The following IP6K3 variants were observed in gnomAD, a reference collection of about 807,000 sequenced individuals.
The protein encoded by IP6K3 is inositol hexakisphosphate kinase 3.
A neutral mutation model predicts 28.8 loss-of-function variants in IP6K3; 20 were observed. The ratio of observed to expected loss-of-function variants is 0.70; its 90% CI spans 0.49 to 1.01. IP6K3 has a LOEUF of 1.01. Among genes scored for constraint, IP6K3 ranks in the 50% least tolerant of loss-of-function variants. IP6K3 has a pLI of 0.00. For missense variants in IP6K3, 480 were observed against 537.1 expected (o/e 0.89, Z 1.05); for synonymous variants, 213 against 221.3 (o/e 0.96, Z 0.33).
the IP6K3 span, among the ~76,000 whole-genome samples, chr6:33,754,320 C>T: frequency 2.0e-5 from 3 of 151,988 alleles, no homozygotes; most frequent in East Asian, 1.9e-4. Flanking sequence ...GGCGGCATCT[C>T]TCTGCTGGAA....
chr6:33,746,260 G>C lies in IP6K3; in HGVS notation c.-180+498C>G, dbSNP rs1582232681. ...GTAGATGCTGATGTCATCCAGCCTG[G>C]TGCCGGCCTCCTGCCCCCTCCCGTG... is the stretch of plus-strand genomic sequence containing the variant. On this transcript the variant is annotated intron_variant, in intron 1 of 5. Transcript: ENST00000293756. This position sits in a 1 kb window ranked among gnomAD's most constrained non-coding sequence, Gnocchi z 6.5. Among the ~76,000 whole-genome samples, 1 of 152,274 alleles carries C rather than the reference G, an allele frequency of 6.6e-6. No individual in the cohort carries two copies. Among genetic ancestry groups the C allele is most frequent in the East Asian group, 1.9e-4 (1 of 5,170 alleles).
chr6:33,746,467 G>A lies in IP6K3; in HGVS notation c.-180+291C>T, dbSNP rs1379695903. 6.6e-6 allele frequency: 1 copy of A among 152,462 alleles called. No homozygotes were observed. The highest frequency in any genetic ancestry group is 6.5e-5 in the Admixed American group (1 of 15,284). 9.4% of individuals were successfully genotyped at this position (152,462 alleles called of 1,614,324 possible). ...GAGGGCTCCAGGCACCCCTGGAAGG[G>A]GAGGGGTGGAATTCCCCTGGGAGAA... is the stretch of plus-strand genomic sequence containing the variant. On this transcript the variant is annotated intron_variant, in intron 1 of 5. Coordinates refer to ENST00000293756, the MANE Select transcript of IP6K3 (RefSeq NM_054111.5). The surrounding 1 kb of genome is among the most constrained non-coding windows in gnomAD (Gnocchi z 6.5).
rs1766772218 is a variant in IP6K3 at position 33,742,753 on chromosome 6, TATTGC to T, written c.-180+4000_-180+4004del. Among the ~76,000 whole-genome samples, 1 of 152,088 alleles carries T rather than the reference TATTGC, an allele frequency of 6.6e-6. No individual in the cohort carries two copies. Among genetic ancestry groups the T allele is most frequent in the African/African-American group, 2.4e-5 (1 of 41,400 alleles). On this transcript the variant is annotated intron_variant, in intron 1 of 5. Coordinates refer to ENST00000293756, the MANE Select transcript of IP6K3 (RefSeq NM_054111.5). This position sits in a 1 kb window ranked among gnomAD's most constrained non-coding sequence, Gnocchi z 4.5. ...CAACAGATCCTAAAAGTATAATGAG[TATTGC>T]ATAGGGACTGGTAGGGAAAAAACTG...
Position 33,742,114 on chromosome 6 carries a change from C to A in IP6K3, c.-180+4644G>T, listed in dbSNP as rs1766747393. ...TACAATCACACCTCTGTGTCTCCAGCTAGGAATTTTCAGATGGAGACACTG... is the reference window on the plus strand; with the variant it reads ...TACAATCACACCTCTGTGTCTCCAGATAGGAATTTTCAGATGGAGACACTG... On this transcript the variant is annotated intron_variant, in intron 1 of 5. Coordinates refer to ENST00000293756, the MANE Select transcript of IP6K3 (RefSeq NM_054111.5). This position sits in a 1 kb window ranked among gnomAD's most constrained non-coding sequence, Gnocchi z 4.5. Among the ~76,000 whole-genome samples the A allele has an allele frequency of 6.6e-6, 1 of 152,198 alleles. No homozygotes were observed. Among genetic ancestry groups the A allele is most frequent in the South Asian group, 2.1e-4 (1 of 4,832 alleles).
Position 33,722,785 on chromosome 6 carries a change from G to A in IP6K3, c.1168C>T (p.Pro390Ser), listed in dbSNP as rs1427014788. 6.2e-7 allele frequency: 1 copy of A among 1,614,040 alleles called. No homozygotes were observed. Among genetic ancestry groups the A allele is most frequent in the Admixed American group, 1.7e-5 (1 of 60,006 alleles). ...TTTTCCAGGCCAAAAATATAGCCAG[G>A]GTCTGGTCCATCGTAGGTGGTGTGC... The part of the protein sequence containing the change: ...NEHTTYDGPD[P>S]GYIFGLENLI... The change falls in exon 6 of 6, where the codon CCT becomes TCT. Residue 390 changes from proline (P) to serine (S), a missense_variant. Physicochemically the swap from Pro to Ser is moderately conservative, Grantham distance 74 (BLOSUM62 -1). Coordinates refer to ENST00000293756, the MANE Select transcript of IP6K3 (RefSeq NM_054111.5).
the IP6K3 span, among the ~76,000 whole-genome samples, chr6:33,760,831 C>A: frequency 6.6e-6 from 1 of 152,000 alleles, no homozygotes; most frequent in African/African-American, 2.4e-5. Context: ...TGGGCCCCTG[C>A]AGATGTTTTT....
At chr6:33,753,291 C>T in the IP6K3 span, among the ~76,000 whole-genome samples, 3 of 152,162 alleles carry the variant, frequency 2.0e-5, no homozygotes, top group Non-Finnish European at 4.4e-5. Flanking sequence ...ACTGTGATTT[C>T]GGATTATGTC....
In IP6K3 at chr6:33,735,597, G is replaced by A; in HGVS notation, c.-121C>T. 6.7e-7 allele frequency: 1 copy of A among 1,491,982 alleles called. No individual in the cohort carries two copies. Among genetic ancestry groups the A allele is most frequent in the Non-Finnish European group, 8.9e-7 (1 of 1,128,334 alleles). The allele number at this position is 1,491,982 out of a possible 1,614,324, so 92.4% of individuals were successfully genotyped here. A position where few individuals can be genotyped will look rare whatever the true frequency, so the allele number is the denominator to read the frequency against. The stretch of plus-strand genomic sequence containing the variant: ...GCGGTCCTCAACTTTCTCCTTCTTG[G>A]CCTTTATTGCTGTCATAGCGCAGTT... On this transcript the variant is annotated 5_prime_UTR_variant, in exon 2 of 6. Coordinates refer to ENST00000293756, the MANE Select transcript of IP6K3 (RefSeq NM_054111.5).
At chr6:33,748,642 CAAAAAAAA>C (rs35735336), upstream of IP6K3, among the ~76,000 whole-genome samples, 4 of 38,370 alleles carry the variant, frequency 1.0e-4, no homozygotes, top group African/African-American at 3.9e-4. Context: ...ACCCTGTCTC[CAAAAAAAA>C]AAAAAAAAAA....
At chr6:33,745,965 G>T (rs1467708387) in intron 1 of IP6K3, among the ~76,000 whole-genome samples, 1 of 152,164 alleles carries the variant, frequency 6.6e-6, no homozygotes, top group Non-Finnish European at 1.5e-5. Flanking sequence ...AAAAATAAAT[G>T]GGTAGCTTTT....
chr6:33,725,271 G>A (rs926866138), intron 5 of IP6K3, among the ~76,000 whole-genome samples, 170 bp downstream of exon 5: 1 of 151,782 alleles, frequency 6.6e-6, no homozygotes, highest in Non-Finnish European at 1.5e-5. Flanking sequence ...TTTCCAGTGT[G>A]TCATAGACCA....
chr6:33,758,899 CA>C, the IP6K3 span, among the ~76,000 whole-genome samples: 264 of 152,136 alleles, frequency 1.7e-3, no homozygotes, highest in African/African-American at 6.1e-3. Flanking sequence ...GTGCCCTGCC[CA>C]AAAAGTTTTA....
intron 2 of IP6K3, among the ~76,000 whole-genome samples, chr6:33,733,798 G>T (rs550554624): frequency 6.6e-6 from 1 of 152,356 alleles, no homozygotes; most frequent in South Asian, 2.1e-4. Context: ...CTCTCAGGAG[G>T]TCCTGGCAGG....
chr6:33,726,896 C>G lies in IP6K3; in HGVS notation c.424G>C (p.Ala142Pro), dbSNP rs1378318615. 5 of 1,601,508 alleles carry G rather than the reference C, an allele frequency of 3.1e-6. No homozygotes were observed. The highest frequency in any genetic ancestry group is 4.3e-6 in the Non-Finnish European group (5 of 1,170,228). Residue 142 changes from alanine to proline, a missense_variant, in exon 4 of 6, where the codon GCT becomes CCT. Transcript: ENST00000293756. ...AGGTGGGGCTCGGACCTCAGAAGAG[C>G]CTTGGCCGGGCTGCGGCGGAGTGGA... ...ARSPKESPAKALLRSEPHLNT... is the reference protein window; with the variant it reads ...ARSPKESPAKPLLRSEPHLNT...
intron 2 of IP6K3, among the ~76,000 whole-genome samples, chr6:33,729,571 A>G (rs919764240): frequency 6.6e-6 from 1 of 152,158 alleles, no homozygotes; most frequent in African/African-American, 2.4e-5. Context: ...CACCATGTTC[A>G]TACCCTGCTG....
At position 33,735,525 on chromosome 6, in the gene IP6K3, A is replaced by G. The variant is rs772806666; in HGVS notation, c.-49T>C. ...GGTCCCTGCACAGTCTGCTAGAGGA[A>G]GGTTTGAAGTAGAAAGGGCAGCTCC... is the stretch of plus-strand genomic sequence containing the variant. On this transcript the variant is annotated 5_prime_UTR_variant, in exon 2 of 6. Coordinates refer to ENST00000293756, the MANE Select transcript of IP6K3 (RefSeq NM_054111.5). 3 of 1,588,288 alleles carry G rather than the reference A, an allele frequency of 1.9e-6. No individual in the cohort carries two copies. Among genetic ancestry groups the G allele is most frequent in the Non-Finnish European group, 2.6e-6 (3 of 1,172,802 alleles).
At chr6:33,758,059 G>T in the IP6K3 span, among the ~76,000 whole-genome samples, 1 of 152,206 alleles carries the variant, frequency 6.6e-6, no homozygotes, top group Non-Finnish European at 1.5e-5. Context: ...GAGGCGAGTC[G>T]CAGGGCCTCA....
intron 5 of IP6K3, among the ~76,000 whole-genome samples, chr6:33,723,954 C>A (rs931444743): frequency 6.6e-6 from 1 of 152,152 alleles, no homozygotes; most frequent in African/African-American, 2.4e-5. Flanking sequence ...ATGGCACAGG[C>A]AGCAGCTGAG....
chr6:33,733,032 C>T (rs1766372315), intron 2 of IP6K3, among the ~76,000 whole-genome samples: 1 of 152,232 alleles, frequency 6.6e-6, no homozygotes, highest in Non-Finnish European at 1.5e-5. Flanking sequence ...AGTGAATCAG[C>T]ATTTCTGCTT....
Sources: gnomAD v4.1 joint callset for allele counts (sites outside exome capture counted in the v4.1 genomes callset) on GRCh38, gnomAD v4.1.1 for gene constraint, Gnocchi (gnomAD v3.1) non-coding constraint, MANE v1.5 for transcripts, NCBI Gene and HGNC (gene_info 2026-07-23, HGNC 2026-07-21) for gene names.